EIF4EBP1: variants seen among roughly 807,000 people sequenced by gnomAD.
The protein encoded by EIF4EBP1 is eukaryotic translation initiation factor 4E-binding protein 1.
A neutral mutation model predicts 9.2 loss-of-function variants in EIF4EBP1; 5 were observed. The observed-to-expected ratio is 0.54, with a 90% CI of 0.28 to 1.14. EIF4EBP1 has a LOEUF of 1.14. Ranked by LOEUF, EIF4EBP1 falls within the 50% of genes most tolerant of loss-of-function variation. The pLI is 0.09. For synonymous variants in EIF4EBP1, 62 were observed against 67.0 expected, an observed-to-expected ratio of 0.93 and a Z score of 0.36; for missense variants, 139 against 169.6, an observed-to-expected ratio of 0.82 and a Z score of 1.00.
chr8:38,049,407 C>T (rs538470742), intron 1 of EIF4EBP1, among the ~76,000 whole-genome samples: 4 of 151,330 alleles, frequency 2.6e-5, no homozygotes, highest in Non-Finnish European at 5.9e-5. Context: ...GTTTTGAATT[C>T]ATTGCACTAC....
chr8:38,060,252 C>T lies in EIF4EBP1; in HGVS notation c.*317C>T, dbSNP rs1467135848. On this transcript the variant is annotated 3_prime_UTR_variant, in exon 3 of 3. Transcript: ENST00000338825. ...TTCCGAATGATCAGCAGTTCCAGCCCCTCGCTGCTGGGGGCGCAACCACCC... is the reference window on the plus strand; with the variant it reads ...TTCCGAATGATCAGCAGTTCCAGCCTCTCGCTGCTGGGGGCGCAACCACCC... 3.3e-6 allele frequency: 1 copy of T among 300,204 alleles called. No homozygotes were observed. Among genetic ancestry groups the T allele is most frequent in the Non-Finnish European group, 5.8e-6 (1 of 173,212 alleles). 18.6% of individuals were successfully genotyped at this position (300,204 alleles called of 1,614,324 possible). A position where few individuals can be genotyped will look rare whatever the true frequency, so the allele number is the denominator to read the frequency against.
chr8:38,031,651 C>T (rs1809222559), intron 1 of EIF4EBP1, among the ~76,000 whole-genome samples: 1 of 152,182 alleles, frequency 6.6e-6, no homozygotes, highest in Non-Finnish European at 1.5e-5. Context: ...GATCCTGGCG[C>T]TTGGCTAGGT....
chr8:38,049,112 C>T (rs1222572384), intron 1 of EIF4EBP1, among the ~76,000 whole-genome samples: 13 of 142,654 alleles, frequency 9.1e-5, no homozygotes, highest in South Asian at 2.2e-4. Flanking sequence ...GCAACAAGAG[C>T]GAAACTCCGT....
At chr8:38,058,800 G>A (rs1809630805) in intron 2 of EIF4EBP1, among the ~76,000 whole-genome samples, 1 of 152,206 alleles carries the variant, frequency 6.6e-6, no homozygotes, top group African/African-American at 2.4e-5. Flanking sequence ...ACATCAGCTG[G>A]TGGCCAGGCA....
chr8:38,043,851 C>T (rs938440459), intron 1 of EIF4EBP1, among the ~76,000 whole-genome samples: 3 of 152,108 alleles, frequency 2.0e-5, no homozygotes, highest in Non-Finnish European at 4.4e-5. Context: ...TGCTCTGCAT[C>T]TCTCACCAGG....
chr8:38,030,826 G>T (rs377428369), intron 1 of EIF4EBP1, 108 bp downstream of exon 1: 7 of 1,347,944 alleles, frequency 5.2e-6, no homozygotes, highest in African/African-American at 1.5e-5. Context: ...TGATTGGAAA[G>T]AACGGAAAAG....
chr8:38,050,837 T>A (rs59658814), intron 1 of EIF4EBP1, among the ~76,000 whole-genome samples: 10,884 of 152,154 alleles, frequency 0.072, 1,305 homozygotes, highest in African/African-American at 0.25. Context: ...GTCCCTTGTG[T>A]GGCCCAGAGA....
At position 38,056,459 on chromosome 8, in the gene EIF4EBP1, A is replaced by C. The variant is rs117266550; in HGVS notation, c.146-622A>C. ...GGTATGTGATTGTCATGGGTAATTA[A>C]CACTAAGCCCAGGTGGGTGAGTGAG... On this transcript the variant is annotated intron_variant, in intron 1 of 2. Transcript: ENST00000338825. Among the ~76,000 whole-genome samples, 1,474 of 152,280 alleles carry C rather than the reference A, an allele frequency of 9.7e-3. 15 individuals carry two copies. The highest frequency in any genetic ancestry group is 0.068 in the South Asian group (329 of 4,824).
intron 1 of EIF4EBP1, among the ~76,000 whole-genome samples, chr8:38,046,917 G>A (rs1445083097): frequency 6.6e-6 from 1 of 152,166 alleles, no homozygotes; most frequent in African/African-American, 2.4e-5. Flanking sequence ...TACACAAATG[G>A]TTTGAGGTGT....
intron 1 of EIF4EBP1, among the ~76,000 whole-genome samples, chr8:38,034,582 G>A (rs1390683225): frequency 1.3e-5 from 2 of 152,146 alleles, no homozygotes; most frequent in East Asian, 1.9e-4. Context: ...TCCCAGCTCC[G>A]TGTTGCATGT....
chr8:38,048,264 C>G (rs1809471370), intron 1 of EIF4EBP1, among the ~76,000 whole-genome samples: 1 of 151,202 alleles, frequency 6.6e-6, no homozygotes, highest in African/African-American at 2.4e-5. Flanking sequence ...CAGAGCAAGA[C>G]CCTGTTTCAA....
chr8:38,036,110 A>G (rs983539273), intron 1 of EIF4EBP1, among the ~76,000 whole-genome samples: 4 of 152,010 alleles, frequency 2.6e-5, no homozygotes, highest in Non-Finnish European at 5.9e-5. Context: ...AGTTCAAGCA[A>G]TTCTCCTGCC....
chr8:38,038,627 C>G (rs929551847), intron 1 of EIF4EBP1, among the ~76,000 whole-genome samples: 4 of 151,540 alleles, frequency 2.6e-5, no homozygotes, highest in Non-Finnish European at 5.9e-5. Flanking sequence ...CTCAGTCTCT[C>G]AAGTAGCTGG....
At chr8:38,057,487 G>C (rs1809614827) in intron 2 of EIF4EBP1, among the ~76,000 whole-genome samples, 1 of 152,220 alleles carries the variant, frequency 6.6e-6, no homozygotes, top group South Asian at 2.1e-4. Flanking sequence ...CAGGAAAGGT[G>C]ATCTGGCACC....
At chr8:38,037,092 G>A (rs1229841986) in intron 1 of EIF4EBP1, among the ~76,000 whole-genome samples, 3 of 152,046 alleles carry the variant, frequency 2.0e-5, no homozygotes, top group African/African-American at 7.2e-5. Flanking sequence ...GTCTGACTTA[G>A]ACCCATGCCT....
intron 1 of EIF4EBP1, among the ~76,000 whole-genome samples, chr8:38,051,737 TA>T (rs1809527954): frequency 6.6e-6 from 1 of 152,106 alleles, no homozygotes; most frequent in Non-Finnish European, 1.5e-5. Flanking sequence ...TAGCTAGGAT[TA>T]GGTGTGTGCC....
intron 1 of EIF4EBP1, 121 bp downstream of exon 1, chr8:38,030,839 G>T: frequency 7.6e-7 from 1 of 1,321,398 alleles, no homozygotes; most frequent in Non-Finnish European, 9.7e-7. Context: ...CGGAAAAGGG[G>T]CATCGGAGAG....
At chr8:38,031,155 CT>C (rs1809212118) in intron 1 of EIF4EBP1, among the ~76,000 whole-genome samples, 1 of 152,116 alleles carries the variant, frequency 6.6e-6, no homozygotes, top group South Asian at 2.1e-4. Context: ...GCCCTTTTTC[CT>C]TCCCGAAGCA....
intron 1 of EIF4EBP1, among the ~76,000 whole-genome samples, chr8:38,035,167 G>A (rs977709893): frequency 2.0e-5 from 3 of 152,134 alleles, no homozygotes; most frequent in African/African-American, 4.8e-5. Context: ...TTGGTGGGGG[G>A]TTCCTGGTGT....
Sources: gnomAD v4.1 joint callset for allele counts (sites outside exome capture counted in the v4.1 genomes callset) on GRCh38, gnomAD v4.1.1 for gene constraint, MANE v1.5 for transcripts, NCBI Gene and HGNC (gene_info 2026-07-23, HGNC 2026-07-21) for gene names.